GUCY1A2: variants seen among roughly 807,000 people sequenced by gnomAD.
The protein encoded by GUCY1A2 is guanylate cyclase 1 soluble subunit alpha 2, also known as guanylate cyclase soluble subunit alpha-2.
In GUCY1A2, 27 loss-of-function variants were observed where a neutral mutation model predicts 63.5. That is an observed-to-expected ratio of 0.43 (90% CI 0.31 to 0.59). The LOEUF (loss-of-function observed/expected upper bound fraction) is 0.59. Among genes scored for constraint, GUCY1A2 ranks in the 20% least tolerant of loss-of-function variants. The pLI is 0.11. For missense variants in GUCY1A2, 768 were observed against 913.3 expected (o/e 0.84, Z 2.05); for synonymous variants, 364 against 343.5 (o/e 1.06, Z -0.66).
rs1007191506 is a variant in GUCY1A2, at chr11:106,679,454, G to A, written c.*8095C>T. 1.5e-5 allele frequency: 3 copies of A among 195,790 alleles called. No homozygotes were observed. Among genetic ancestry groups the A allele is most frequent in the African/African-American group, 2.3e-5 (1 of 43,158 alleles). The allele number at this position is 195,790 out of a possible 1,614,324, so 12.1% of individuals were successfully genotyped here. A position where few individuals can be genotyped will look rare whatever the true frequency, so the allele number is the denominator to read the frequency against. ...AGAAGAATGTGAAGAAGAATATGGC[G>A]TAGAGTACAGCCGCCAAAAGTTTAA... On this transcript the variant is annotated 3_prime_UTR_variant, in exon 8 of 8. Coordinates refer to ENST00000526355, the MANE Select transcript of GUCY1A2 (RefSeq NM_000855.3).
intron 7 of GUCY1A2, among the ~76,000 whole-genome samples, chr11:106,705,725 T>G (rs1410372763): frequency 2.6e-5 from 4 of 152,016 alleles, no homozygotes; most frequent in Admixed American, 2.6e-4. Context: ...CCAGGTGTGG[T>G]GGCACGCACC....
rs1416445628 is a variant in GUCY1A2, at chr11:106,676,539, G to A, written c.*11010C>T. On this transcript the variant is annotated 3_prime_UTR_variant, in exon 8 of 8. Coordinates refer to ENST00000526355, the MANE Select transcript of GUCY1A2 (RefSeq NM_000855.3). ...TGTATATTGCTTTTTCAATAGAGTAGACATAAAATTGATGACAAATGTTTC... is the reference window on the plus strand; with the variant it reads ...TGTATATTGCTTTTTCAATAGAGTAAACATAAAATTGATGACAAATGTTTC... The A allele has an allele frequency of 5.4e-6, 1 of 186,640 alleles. No homozygotes were observed. The highest frequency in any genetic ancestry group is 2.3e-5 in the African/African-American group (1 of 42,690). The allele number at this position is 186,640 out of a possible 1,614,324, so 11.6% of individuals were successfully genotyped here.
intron 3 of GUCY1A2, among the ~76,000 whole-genome samples, chr11:106,968,128 G>A (rs1861148813): frequency 1.3e-5 from 2 of 152,206 alleles, no homozygotes; most frequent in South Asian, 4.1e-4. Flanking sequence ...TAGCCTTGGA[G>A]TTAAATTGTT....
intron 4 of GUCY1A2, among the ~76,000 whole-genome samples, chr11:106,856,371 C>G (rs1859434366): frequency 6.6e-6 from 1 of 152,046 alleles, no homozygotes; most frequent in African/African-American, 2.4e-5. Flanking sequence ...GTTTCACTGT[C>G]ATTTTACATA....
intron 4 of GUCY1A2, among the ~76,000 whole-genome samples, chr11:106,934,796 T>C (rs1371445847): frequency 6.6e-6 from 1 of 152,168 alleles, no homozygotes; most frequent in African/African-American, 2.4e-5. Flanking sequence ...AAATGCTGGG[T>C]TCCTTCCAAG....
At chr11:106,834,059 A>AT (rs1565304639) in intron 4 of GUCY1A2, among the ~76,000 whole-genome samples, 1 of 151,972 alleles carries the variant, frequency 6.6e-6, no homozygotes, top group Non-Finnish European at 1.5e-5. Flanking sequence ...TCACATATTT[A>AT]TTTTTTGTGG....
chr11:106,907,873 C>T (rs190033005), intron 4 of GUCY1A2, among the ~76,000 whole-genome samples: 2 of 152,126 alleles, frequency 1.3e-5, no homozygotes, highest in African/African-American at 4.8e-5. Flanking sequence ...CATATGTGTG[C>T]ATGGAGACAC....
intron 4 of GUCY1A2, among the ~76,000 whole-genome samples, chr11:106,871,351 T>C (rs1859675192): frequency 6.6e-6 from 1 of 152,126 alleles, no homozygotes; most frequent in Non-Finnish European, 1.5e-5. Context: ...TAACAAACAT[T>C]TATTCTCTCA....
intron 5 of GUCY1A2, among the ~76,000 whole-genome samples, chr11:106,791,253 G>C (rs139117598): frequency 1.1e-3 from 171 of 152,254 alleles, no homozygotes; most frequent in African/African-American, 3.7e-3. Flanking sequence ...TGCTATGACA[G>C]GACAGCACTG....
intron 4 of GUCY1A2, among the ~76,000 whole-genome samples, chr11:106,842,856 GCTGATTC>G (rs2135445051): frequency 6.6e-6 from 1 of 152,044 alleles, no homozygotes; most frequent in Non-Finnish European, 1.5e-5. Flanking sequence ...AGCTGATGCA[GCTGATTC>G]CTGGACCACA....
At chr11:106,877,946 C>A (rs1313034508) in intron 4 of GUCY1A2, among the ~76,000 whole-genome samples, 1 of 151,726 alleles carries the variant, frequency 6.6e-6, no homozygotes, top group Non-Finnish European at 1.5e-5. Flanking sequence ...AAAACCCAAA[C>A]AAACCCATTA....
chr11:106,870,810 A>G (rs1482476555), intron 4 of GUCY1A2, among the ~76,000 whole-genome samples: 1 of 152,040 alleles, frequency 6.6e-6, no homozygotes, highest in Non-Finnish European at 1.5e-5. Context: ...TTTTGTTTTA[A>G]TTAATTGATG....
At chr11:106,776,414 C>T in intron 6 of GUCY1A2, 25 bp downstream of exon 6, 2 of 1,599,400 alleles carry the variant, frequency 1.3e-6, no homozygotes, top group Non-Finnish European at 1.7e-6. Context: ...ACTTACTACT[C>T]AAACTAGATT....
At chr11:106,935,203 A>T (rs547043157) in intron 4 of GUCY1A2, among the ~76,000 whole-genome samples, 1 of 152,312 alleles carries the variant, frequency 6.6e-6, no homozygotes, top group South Asian at 2.1e-4. Context: ...TAAAATTATC[A>T]AACCTACTGA....
intron 7 of GUCY1A2, among the ~76,000 whole-genome samples, chr11:106,702,648 C>T (rs1003945890): frequency 6.6e-6 from 1 of 151,630 alleles, no homozygotes; most frequent in Non-Finnish European, 1.5e-5. Context: ...GGCCAGAGGT[C>T]TCATTTGTGA....
chr11:106,704,035 T>C (rs576838296), intron 7 of GUCY1A2, among the ~76,000 whole-genome samples: 25 of 152,210 alleles, frequency 1.6e-4, no homozygotes, highest in African/African-American at 5.8e-4. Context: ...GGGACTTTTG[T>C]TAATAAAAAC....
At chr11:106,910,115 T>C (rs1388894635) in intron 4 of GUCY1A2, among the ~76,000 whole-genome samples, 1 of 151,988 alleles carries the variant, frequency 6.6e-6, no homozygotes, top group East Asian at 1.9e-4. Context: ...AGAATGAAAA[T>C]ATGAATTCCA....
intron 5 of GUCY1A2, among the ~76,000 whole-genome samples, chr11:106,785,258 C>T (rs961971449): frequency 1.3e-5 from 2 of 152,088 alleles, no homozygotes; most frequent in Admixed American, 6.6e-5. Context: ...AGAGAAAAAC[C>T]GTTTCCACTT....
chr11:106,779,092 G>GTTGGT (rs1464865571), intron 5 of GUCY1A2, among the ~76,000 whole-genome samples: 6 of 152,086 alleles, frequency 3.9e-5, no homozygotes, highest in Non-Finnish European at 8.8e-5. Flanking sequence ...CACTTAAGAA[G>GTTGGT]CTCATGAGAC....
Sources: allele counts gnomAD v4.1 joint callset (sites outside exome capture counted in the v4.1 genomes callset), GRCh38; gene constraint gnomAD v4.1.1; transcripts MANE v1.5; gene names NCBI Gene and HGNC (gene_info 2026-07-23, HGNC 2026-07-21).